Variants in ADCY2 observed in about 807,000 individuals in gnomAD.
ADCY2 encodes adenylate cyclase 2, also known as adenylate cyclase type 2.
In ADCY2, 31 loss-of-function variants were observed where a neutral mutation model predicts 125.2. The ratio of observed to expected loss-of-function variants is 0.25; its 90% confidence interval spans 0.19 to 0.33. The LOEUF (loss-of-function observed/expected upper bound fraction) is 0.33, where lower values mean the gene tolerates loss of function less well. Ranked by LOEUF, ADCY2 falls within the 10% of genes least tolerant of loss-of-function variation. The pLI is 1.00. For synonymous variants in ADCY2, 512 were observed against 548.4 expected (o/e 0.93, Z 0.93); for missense variants, 904 against 1,418.2 (o/e 0.64, Z 5.82).
chr5:7,751,406 G>A (rs911704623), intron 15 of ADCY2, among the ~76,000 whole-genome samples: 1 of 152,106 alleles, frequency 6.6e-6, no homozygotes. Context: ...GTGAGGTTAT[G>A]TTCAGGAGGA....
At chr5:7,820,803 T>C (rs1350211237) in intron 24 of ADCY2, 114 bp downstream of exon 24, 26 of 1,296,556 alleles carry the variant, frequency 2.0e-5, no homozygotes, top group Non-Finnish European at 2.5e-5. Flanking sequence ...AAAGTAAACC[T>C]TGAAATTTAC....
chr5:7,695,916 G>T, intron 6 of ADCY2, 53 bp downstream of exon 6: 1 of 1,237,926 alleles, frequency 8.1e-7, no homozygotes, highest in South Asian at 1.4e-5. Context: ...TCTTGGTTTC[G>T]TTTTTCTTCA....
intron 19 of ADCY2, 145 bp from the exon 20 acceptor site, chr5:7,789,497 A>C (rs1744188158): frequency 1.4e-6 from 1 of 711,352 alleles, no homozygotes; most frequent in Non-Finnish European, 2.3e-6. Flanking sequence ...AGGGACACAG[A>C]GGGCTTTATG....
chr5:7,702,145 G>A (rs929532520), intron 7 of ADCY2, among the ~76,000 whole-genome samples: 6 of 152,002 alleles, frequency 3.9e-5, no homozygotes, highest in African/African-American at 1.2e-4. Context: ...TAATCCCAGA[G>A]CTTTGGGAGG....
intron 3 of ADCY2, among the ~76,000 whole-genome samples, chr5:7,524,727 G>A (rs534834428): frequency 1.4e-4 from 21 of 152,284 alleles, no homozygotes; most frequent in Non-Finnish European, 2.5e-4. Flanking sequence ...CAGAGCGGTG[G>A]TGGGTGCATC....
chr5:7,675,172 GAAAGAAAA>G (rs199888319), intron 4 of ADCY2, among the ~76,000 whole-genome samples: 24,555 of 148,788 alleles, frequency 0.17, 2,296 homozygotes, highest in Admixed American at 0.32. Flanking sequence ...AAAAAAAAAA[GAAAGAAAA>G]AAAGAAAAAG....
chr5:7,623,851 G>A (rs1561130617), intron 3 of ADCY2, among the ~76,000 whole-genome samples: 1 of 152,114 alleles, frequency 6.6e-6, no homozygotes, highest in Non-Finnish European at 1.5e-5. Context: ...CAAGTTATAT[G>A]CATGTATGCA....
chr5:7,594,102 G>A (rs766137835), intron 3 of ADCY2, among the ~76,000 whole-genome samples: 3 of 152,154 alleles, frequency 2.0e-5, no homozygotes, highest in Non-Finnish European at 4.4e-5. Flanking sequence ...GAAGAATTAT[G>A]AGTAAAAGAA....
intron 3 of ADCY2, among the ~76,000 whole-genome samples, chr5:7,600,800 A>C (rs1481928711): frequency 6.6e-6 from 1 of 152,216 alleles, no homozygotes; most frequent in East Asian, 1.9e-4. Context: ...CTGATAGATT[A>C]GCAGAAAATG....
chr5:7,415,651 C>T (rs1336133929), intron 2 of ADCY2, among the ~76,000 whole-genome samples: 2 of 152,150 alleles, frequency 1.3e-5, no homozygotes, highest in African/African-American at 4.8e-5. Context: ...GCTTCGGATA[C>T]CTGCTGAAAA....
chr5:7,513,076 A>G (rs1744124734), intron 2 of ADCY2, among the ~76,000 whole-genome samples: 1 of 59,730 alleles, frequency 1.7e-5, no homozygotes, highest in African/African-American at 5.4e-5. Context: ...TGGAAAATAC[A>G]TGACACACAC....
chr5:7,477,969 G>A (rs1397080907), intron 2 of ADCY2, among the ~76,000 whole-genome samples: 1 of 152,104 alleles, frequency 6.6e-6, no homozygotes, highest in Non-Finnish European at 1.5e-5. Context: ...ACTGTATTTA[G>A]TCTTTTAACC....
At chr5:7,780,376 G>A (rs955407199) in intron 18 of ADCY2, among the ~76,000 whole-genome samples, 2 of 152,290 alleles carry the variant, frequency 1.3e-5, no homozygotes, top group African/African-American at 2.4e-5. Flanking sequence ...TGATACTGAC[G>A]ATTCCTGAGG....
chr5:7,582,952 A>C (rs1736485470), intron 3 of ADCY2, among the ~76,000 whole-genome samples: 1 of 152,110 alleles, frequency 6.6e-6, no homozygotes, highest in Admixed American at 6.5e-5. Context: ...AGAAAATTCT[A>C]AGAATTTGAT....
chr5:7,470,733 AAG>A (rs1742305929), intron 2 of ADCY2, among the ~76,000 whole-genome samples: 1 of 151,344 alleles, frequency 6.6e-6, no homozygotes, highest in South Asian at 2.1e-4. Flanking sequence ...TAATTAAAGA[AAG>A]AAAGTATAGT....
intron 3 of ADCY2, among the ~76,000 whole-genome samples, chr5:7,573,593 C>CTTTTTTTTTTT (rs763347773): frequency 9.3e-5 from 8 of 86,376 alleles, no homozygotes; most frequent in Non-Finnish European, 1.4e-4. Context: ...GGTTGATTTT[C>CTTTTTTTTTTT]TTTTTTTTTT....
At chr5:7,528,452 A>G (rs557064447) in intron 3 of ADCY2, among the ~76,000 whole-genome samples, 1 of 152,272 alleles carries the variant, frequency 6.6e-6, no homozygotes, top group East Asian at 1.9e-4. Context: ...CATTTTCAGC[A>G]TTTTGGAGCT....
At position 7,698,297 on chromosome 5, in the gene ADCY2, A is replaced by G. The variant is rs1360827138; in HGVS notation, c.1032A>G (p.Val344=). 3 of 1,614,028 alleles carry G rather than the reference A, an allele frequency of 1.9e-6. No individual in the cohort carries two copies. Among genetic ancestry groups the G allele is most frequent in the Admixed American group, 3.3e-5 (2 of 60,036 alleles). Residue 344 remains valine, a synonymous_variant, in exon 7 of 25, where the codon GTA becomes GTG. Transcript: ENST00000338316. ...IKILGDCYYC[V]SGLPISLPNH... is the part of the protein sequence containing the mutation. ...TTTTAGGAGACTGCTACTACTGTGT[A>G]TCTGGACTCCCTATATCTCTCCCTA...
chr5:7,573,632 G>A (rs192955755), intron 3 of ADCY2, among the ~76,000 whole-genome samples: 1 of 114,546 alleles, frequency 8.7e-6, no homozygotes, highest in Admixed American at 9.6e-5. Context: ...AAAAAAAGCT[G>A]CAGGCTTTAT....
Sources: allele counts gnomAD v4.1 joint callset (sites outside exome capture counted in the v4.1 genomes callset), GRCh38; gene constraint gnomAD v4.1.1; transcripts MANE v1.5; gene names NCBI Gene and HGNC (gene_info 2026-07-23, HGNC 2026-07-21).